PCDHGA1: variants seen among roughly 807,000 people sequenced by gnomAD.
The protein encoded by PCDHGA1 is protocadherin gamma-A1.
In PCDHGA1, 32 loss-of-function variants were observed where a neutral mutation model predicts 58.0. That is an observed-to-expected ratio of 0.55 (90% CI 0.42 to 0.74). The LOEUF (loss-of-function observed/expected upper bound fraction) is 0.74, where lower values mean the gene tolerates loss of function less well. Ranked by LOEUF, PCDHGA1 falls within the 30% of genes least tolerant of loss-of-function variation. PCDHGA1 has a pLI of 0.00. For synonymous variants in PCDHGA1, 498 were observed against 501.1 expected, an observed-to-expected ratio of 0.99 and a Z score of 0.08; for missense variants, 1,205 against 1,182.3, an observed-to-expected ratio of 1.02 and a Z score of -0.28.
rs2099746867 is a variant in PCDHGA1, at chr5:141,493,199, C to T, written c.2422-1608C>T. Among the ~76,000 whole-genome samples the T allele has an allele frequency of 6.6e-6, 1 of 152,168 alleles. No individual in the cohort carries two copies. Among genetic ancestry groups the T allele is most frequent in the Non-Finnish European group, 1.5e-5 (1 of 68,020 alleles). ...CTTACTATATAACTCCTTTGAGAAC[C>T]TCATCTCATTTGCTCTTCCCACCAT... On this transcript the variant is annotated intron_variant, in intron 1 of 3. Coordinates refer to ENST00000517417, the MANE Select transcript of PCDHGA1 (RefSeq NM_018912.3). This position sits in a 1 kb window ranked among gnomAD's most constrained non-coding sequence, Gnocchi z 4.3.
At chr5:141,442,472 C>A (rs1032989256) in intron 1 of PCDHGA1, 4 of 152,204 alleles carry the variant, frequency 2.6e-5, no homozygotes, top group African/African-American at 9.7e-5. Flanking sequence ...GCAGAAAGCC[C>A]CTTGGGGAAG....
At chr5:141,365,057 A>T (rs1763709144) in intron 1 of PCDHGA1, 1 of 1,613,594 alleles carries the variant, frequency 6.2e-7, no homozygotes, top group Non-Finnish European at 8.5e-7. Context: ...GCCCCTGTTC[A>T]CCCCATCCGA....
intron 1 of PCDHGA1, chr5:141,370,882 G>A (rs762362899): frequency 6.2e-7 from 1 of 1,613,894 alleles, no homozygotes. Flanking sequence ...CCTGATGTAG[G>A]TGTCAATTCG....
At chr5:141,361,998 G>A in intron 1 of PCDHGA1, 4 of 1,603,340 alleles carry the variant, frequency 2.5e-6, no homozygotes, top group Non-Finnish European at 2.5e-6. Flanking sequence ...GCCTGGGGTT[G>A]CGCACGGGTG....
At chr5:141,393,971 A>G (rs769025757) in intron 1 of PCDHGA1, 3 of 1,613,904 alleles carry the variant, frequency 1.9e-6, no homozygotes, top group Non-Finnish European at 2.5e-6. Flanking sequence ...TCTGTTACAC[A>G]CGTGATAATT....
chr5:141,450,831 T>TATTA (rs761717068), intron 1 of PCDHGA1, among the ~76,000 whole-genome samples: 2 of 144,580 alleles, frequency 1.4e-5, no homozygotes, highest in South Asian at 2.2e-4. Flanking sequence ...TTATTATTAT[T>TATTA]TTTTTTTTTT....
intron 1 of PCDHGA1, chr5:141,355,778 A>T (rs1221336754): frequency 3.1e-6 from 5 of 1,613,808 alleles, no homozygotes; most frequent in Admixed American, 3.3e-5. Flanking sequence ...AAGTACCCAG[A>T]GCTGGTGCTG....
intron 2 of PCDHGA1, among the ~76,000 whole-genome samples, chr5:141,500,180 TTA>T (rs2099797073): frequency 7.1e-6 from 1 of 140,608 alleles, no homozygotes; most frequent in African/African-American, 2.8e-5. Flanking sequence ...AGCTTCATTT[TTA>T]TTTTTATTTA....
chr5:141,376,310 G>C, intron 1 of PCDHGA1: 1 of 1,613,946 alleles, frequency 6.2e-7, no homozygotes. Flanking sequence ...CTTTGTGGGC[G>C]TGGAAGGGGT....
At chr5:141,384,656 A>G in intron 1 of PCDHGA1, 1 of 1,614,192 alleles carries the variant, frequency 6.2e-7, no homozygotes, top group Non-Finnish European at 8.5e-7. Flanking sequence ...GAGCCCGGCT[A>G]CCTGGTGACC....
chr5:141,383,480 T>C, intron 1 of PCDHGA1: 2 of 1,613,740 alleles, frequency 1.2e-6, no homozygotes, highest in Non-Finnish European at 1.7e-6. Context: ...TACCCGGAAC[T>C]GGTGCTGGAG....
intron 1 of PCDHGA1, chr5:141,394,523 C>T (rs373702756): frequency 5.0e-6 from 8 of 1,614,234 alleles, no homozygotes; most frequent in Non-Finnish European, 6.8e-6. Context: ...TCCCCACAGA[C>T]GGTTCCACTG....
At chr5:141,352,846 G>C (rs1759124733) in intron 1 of PCDHGA1, among the ~76,000 whole-genome samples, 1 of 152,124 alleles carries the variant, frequency 6.6e-6, no homozygotes, top group African/African-American at 2.4e-5. Context: ...AAATTAGTTG[G>C]GTGTGGTGGC....
rs1347978078 is a variant in PCDHGA1, at chr5:141,486,800, C to G, written c.2422-8007C>G. ...GGTGCAGGCCCGGGATCGGGGCAAC[C>G]CACCCCTTAGCAGCACTGTAACAGT... On this transcript the variant is annotated intron_variant, in intron 1 of 3. Coordinates refer to ENST00000517417, the MANE Select transcript of PCDHGA1 (RefSeq NM_018912.3). The surrounding 1 kb of genome is among the most constrained non-coding windows in gnomAD (Gnocchi z 5.0). 1.9e-6 allele frequency: 3 copies of G among 1,614,104 alleles called. No individual in the cohort carries two copies. In the Admixed American group the frequency reaches 5.0e-5, roughly 27 times the overall value.
rs2099883798 is a variant in PCDHGA1, at chr5:141,511,451, AT to A, written c.*281del. On this transcript the variant is annotated 3_prime_UTR_variant, in exon 4 of 4. Transcript: ENST00000517417. ...GGGGTTACTGTAGACACCAAGAACC[AT>A]TTGCCACACCCCGTTTAGTTACAGC... The A allele has an allele frequency of 3.3e-6, 2 of 606,372 alleles. No individual in the cohort carries two copies. Among genetic ancestry groups the A allele is most frequent in the African/African-American group, 1.9e-5 (1 of 53,734 alleles). 37.6% of individuals were successfully genotyped at this position (606,372 alleles called of 1,614,324 possible).
chr5:141,356,262 C>T, intron 1 of PCDHGA1: 1 of 1,566,296 alleles, frequency 6.4e-7, no homozygotes, highest in South Asian at 1.2e-5. Flanking sequence ...CTCTCACCAG[C>T]TCAGTCCAGG....
chr5:141,434,920 A>C (rs927245955), intron 1 of PCDHGA1, among the ~76,000 whole-genome samples: 1 of 151,796 alleles, frequency 6.6e-6, no homozygotes. Flanking sequence ...ATTTATGTAC[A>C]TATATTTTAT....
At chr5:141,383,867 A>G in intron 1 of PCDHGA1, 3 of 1,614,006 alleles carry the variant, frequency 1.9e-6, no homozygotes, top group Non-Finnish European at 1.7e-6. Context: ...CAGGCTCAAG[A>G]TGGTCCTGGT....
At chr5:141,393,721 T>C (rs769235037) in intron 1 of PCDHGA1, 26 of 1,613,752 alleles carry the variant, frequency 1.6e-5, no homozygotes, top group African/African-American at 8.0e-5. Context: ...GAAATATCAA[T>C]AGCAAAAAGT....
Sources: allele counts gnomAD v4.1 joint callset (sites outside exome capture counted in the v4.1 genomes callset), GRCh38; gene constraint gnomAD v4.1.1; non-coding constraint Gnocchi (gnomAD v3.1); transcripts MANE v1.5; gene names NCBI Gene and HGNC (gene_info 2026-07-23, HGNC 2026-07-21).